Variants in TRDN observed in about 807,000 individuals in gnomAD.
TRDN encodes triadin.
Under a neutral mutation model 149.7 loss-of-function variants are expected in TRDN, and 161 were observed. The observed-to-expected ratio is 1.08, with a 90% CI of 0.95 to 1.23. The LOEUF (loss-of-function observed/expected upper bound fraction) is 1.23, where lower values mean the gene tolerates loss of function less well. Among genes scored for constraint, TRDN ranks in the 50% most tolerant of loss-of-function variants. The pLI is 0.00. For synonymous variants in TRDN, 294 were observed against 250.5 expected (o/e 1.17, Z -1.64); for missense variants, 896 against 823.5 (o/e 1.09, Z -1.08).
intron 1 of TRDN, among the ~76,000 whole-genome samples, chr6:123,587,765 G>C (rs189540987): frequency 4.6e-5 from 7 of 150,868 alleles, no homozygotes; most frequent in South Asian, 2.1e-4. Flanking sequence ...AAAGCAAAAG[G>C]GGGGGTTGTT....
intron 22 of TRDN, among the ~76,000 whole-genome samples, chr6:123,336,654 T>C (rs1779882583): frequency 6.6e-6 from 1 of 151,918 alleles, no homozygotes; most frequent in Non-Finnish European, 1.5e-5. Context: ...TTTTTTTGCA[T>C]CCTTTGTGTC....
intron 33 of TRDN, among the ~76,000 whole-genome samples, chr6:123,262,117 T>C (rs1202352052): frequency 6.6e-6 from 1 of 151,968 alleles, no homozygotes; most frequent in East Asian, 1.9e-4. Context: ...ATATTTACTA[T>C]TGTTTAAGAT....
In TRDN at chr6:123,301,741, G is replaced by GTATATATATACATATATA. The variant is rs1554221672; in HGVS notation, c.1510+14698_1510+14715dup. On this transcript the variant is annotated intron_variant, in intron 24 of 40. Coordinates refer to ENST00000334268, the MANE Select transcript of TRDN (RefSeq NM_006073.4). ...CCAGTACATATATGTATGTATGTAT[G>GTATATATATACATATATA]TATATATATACATATATATATATAT... Among the ~76,000 whole-genome samples, 15 of 47,344 alleles carry GTATATATATACATATATA rather than the reference G, an allele frequency of 3.2e-4. 1 individual carries two copies. Among genetic ancestry groups the GTATATATATACATATATA allele is most frequent in the Middle Eastern group, 0.015 (1 of 66 alleles). 31.1% of individuals were successfully genotyped at this position (47,344 alleles called of 152,430 possible). A position where few individuals can be genotyped will look rare whatever the true frequency, so the allele number is the denominator to read the frequency against.
chr6:123,319,691 G>A (rs9375244), intron 23 of TRDN, among the ~76,000 whole-genome samples: 27,802 of 151,918 alleles, frequency 0.18, 3,507 homozygotes, highest in East Asian at 0.63. Context: ...TCTAATTTCT[G>A]TAAACATTTG....
At chr6:123,379,617 TA>T (rs929871941) in intron 16 of TRDN, among the ~76,000 whole-genome samples, 1 of 152,182 alleles carries the variant, frequency 6.6e-6, no homozygotes. Flanking sequence ...GATTAAAAGT[TA>T]AAATAAAGTC....
At chr6:123,475,861 C>A (rs1170443621) in intron 9 of TRDN, among the ~76,000 whole-genome samples, 1 of 152,068 alleles carries the variant, frequency 6.6e-6, no homozygotes, top group Non-Finnish European at 1.5e-5. Context: ...TTCAGCAACC[C>A]GTCATGCTAA....
chr6:123,583,735 C>A (rs1300330359), intron 1 of TRDN, among the ~76,000 whole-genome samples: 1 of 152,086 alleles, frequency 6.6e-6, no homozygotes, highest in African/African-American at 2.4e-5. Flanking sequence ...CTCTACCTAT[C>A]CAGTGAAAGT....
intron 38 of TRDN, among the ~76,000 whole-genome samples, chr6:123,237,117 C>T (rs1226103300): frequency 2.6e-5 from 4 of 151,998 alleles, no homozygotes; most frequent in Non-Finnish European, 5.9e-5. Context: ...ATCATATATG[C>T]ATTTTGATTT....
chr6:123,408,569 T>C (rs2114505818), intron 12 of TRDN, among the ~76,000 whole-genome samples: 1 of 151,568 alleles, frequency 6.6e-6, no homozygotes, highest in South Asian at 2.1e-4. Flanking sequence ...TCCCAGCTAC[T>C]CAGGAGGCTG....
At chr6:123,399,347 A>G (rs1405047681) in intron 12 of TRDN, among the ~76,000 whole-genome samples, 1 of 152,226 alleles carries the variant, frequency 6.6e-6, no homozygotes, top group African/African-American at 2.4e-5. Context: ...CAAGTTTCTT[A>G]AGTAATCAAC....
At chr6:123,279,710 A>T (rs942882661) in intron 24 of TRDN, among the ~76,000 whole-genome samples, 1 of 151,842 alleles carries the variant, frequency 6.6e-6, no homozygotes, top group Admixed American at 6.6e-5. Context: ...CCAATTTCCC[A>T]TTACTTTCCA....
At chr6:123,523,922 G>A (rs1346958672) in intron 5 of TRDN, among the ~76,000 whole-genome samples, 4 of 152,044 alleles carry the variant, frequency 2.6e-5, no homozygotes, top group East Asian at 3.9e-4. Context: ...ACACTGGCTC[G>A]TCAAAAGAAA....
chr6:123,380,798 G>A lies in TRDN; in HGVS notation c.1186+572C>T, dbSNP rs138140063. Among the ~76,000 whole-genome samples, 728 of 148,938 alleles carry A rather than the reference G, an allele frequency of 4.9e-3. 9 individuals carry two copies. The highest frequency in any genetic ancestry group is 0.018 in the Middle Eastern group (5 of 284). Reference sequence around the variant, plus strand: ...TATATTTGTGAAAGACATACATTAAGTTATTGAGCTTGACTGAATTGTTAG... The same window carrying A: ...TATATTTGTGAAAGACATACATTAAATTATTGAGCTTGACTGAATTGTTAG... On this transcript the variant is annotated intron_variant, in intron 16 of 40. Transcript: ENST00000334268.
At chr6:123,351,960 T>C (rs1231466415) in intron 21 of TRDN, 2 of 978,694 alleles carry the variant, frequency 2.0e-6, no homozygotes, top group Non-Finnish European at 1.2e-6. Flanking sequence ...ATTTATGATA[T>C]AACTACATAA....
At chr6:123,525,715 T>C (rs992128112) in intron 5 of TRDN, among the ~76,000 whole-genome samples, 1 of 152,038 alleles carries the variant, frequency 6.6e-6, no homozygotes, top group African/African-American at 2.4e-5. Context: ...AAAAAACTTG[T>C]ATTTTTATAT....
intron 4 of TRDN, among the ~76,000 whole-genome samples, chr6:123,536,855 G>A (rs552277978): frequency 3.9e-5 from 6 of 151,956 alleles, no homozygotes; most frequent in South Asian, 4.1e-4. Context: ...CTGCATTTCC[G>A]CCTGGGCAGC....
At chr6:123,482,423 AT>A (rs1777786943) in intron 9 of TRDN, among the ~76,000 whole-genome samples, 1 of 152,232 alleles carries the variant, frequency 6.6e-6, no homozygotes, top group South Asian at 2.1e-4. Flanking sequence ...TCTCACTTGA[AT>A]GACACATTTG....
At chr6:123,568,297 G>A (rs941924152) in intron 2 of TRDN, among the ~76,000 whole-genome samples, 5 of 152,214 alleles carry the variant, frequency 3.3e-5, no homozygotes, top group African/African-American at 1.2e-4. Flanking sequence ...ATTGTTGAGT[G>A]CCTGCAGCTT....
chr6:123,455,578 C>T (rs950555824), intron 10 of TRDN, among the ~76,000 whole-genome samples: 1 of 152,144 alleles, frequency 6.6e-6, no homozygotes, highest in African/African-American at 2.4e-5. Context: ...GACTTGGACT[C>T]AGAGGAGAAG....
Sources: allele counts gnomAD v4.1 joint callset (sites outside exome capture counted in the v4.1 genomes callset), GRCh38; gene constraint gnomAD v4.1.1; transcripts MANE v1.5; gene names NCBI Gene and HGNC (gene_info 2026-07-23, HGNC 2026-07-21).